The following NAA15 variants were observed in gnomAD, a reference collection of about 807,000 sequenced individuals.
NAA15 encodes the protein N-alpha-acetyltransferase 15, NatA auxiliary subunit.
A neutral mutation model predicts 114.0 loss-of-function variants in NAA15; 34 were observed. The observed-to-expected ratio is 0.30, with a 90% CI of 0.23 to 0.40. The LOEUF (loss-of-function observed/expected upper bound fraction) is 0.40. NAA15 is among the 10% of genes least tolerant of loss of function. The probability of loss-of-function intolerance (pLI) is 1.00; values close to 1 mark genes in which losing one functional copy is unlikely to be tolerated. For synonymous variants in NAA15, 340 were observed against 338.0 expected (o/e 1.01, Z -0.06); for missense variants, 658 against 1,004.5 (o/e 0.66, Z 4.66).
intron 17 of NAA15, among the ~76,000 whole-genome samples, chr4:139,383,989 C>G (rs1748823106): frequency 6.6e-6 from 1 of 152,122 alleles, no homozygotes; most frequent in South Asian, 2.1e-4. Flanking sequence ...TACTATTTAC[C>G]AGGTGGGTAT....
intron 10 of NAA15, among the ~76,000 whole-genome samples, chr4:139,355,432 A>G (rs897019483): frequency 6.6e-6 from 1 of 151,472 alleles, no homozygotes; most frequent in African/African-American, 2.4e-5. Context: ...TTCCCAGTCT[A>G]GAGTTTGCTG....
chr4:139,319,610 T>G (rs549122906), intron 1 of NAA15, among the ~76,000 whole-genome samples: 1 of 151,970 alleles, frequency 6.6e-6, no homozygotes, highest in South Asian at 2.1e-4. Flanking sequence ...GAATTGTGTA[T>G]TTTTAGTAGA....
At chr4:139,386,008 C>T in intron 18 of NAA15, 125 bp from the exon 19 acceptor site, 1 of 523,782 alleles carries the variant, frequency 1.9e-6, no homozygotes, top group Non-Finnish European at 3.4e-6. Context: ...GTAGCTGTTC[C>T]CATTCTTCTA....
rs147391027 is a variant in NAA15, at chr4:139,304,122, G to A, written c.54+2291G>A. ...TTTAGTAGAGACGGGGTTTCACCATGTTAGCCAGGATGGTCTCAATCTCCT... is the reference window on the plus strand; with the variant it reads ...TTTAGTAGAGACGGGGTTTCACCATATTAGCCAGGATGGTCTCAATCTCCT... On this transcript the variant is annotated intron_variant, in intron 1 of 19. Coordinates refer to ENST00000296543, the MANE Select transcript of NAA15 (RefSeq NM_057175.5). Among the ~76,000 whole-genome samples the A allele has an allele frequency of 8.5e-3, 1,294 of 152,346 alleles. 19 individuals are homozygous for A. Among genetic ancestry groups the A allele is most frequent in the African/African-American group, 0.03 (1,239 of 41,582 alleles).
In NAA15 at chr4:139,351,193, A is replaced by G. The variant is rs758429913; in HGVS notation, c.814A>G (p.Asn272Asp). 3 of 1,564,076 alleles carry G rather than the reference A, an allele frequency of 1.9e-6. No homozygotes were observed. The highest frequency in any genetic ancestry group is 2.6e-6 in the Non-Finnish European group (3 of 1,149,510). The change falls in exon 8 of 20, where the codon AAT (asparagine) becomes GAT (aspartate). Residue 272 changes from asparagine (N) to aspartate (D), a missense_variant and splice_region_variant. Physicochemically the swap from Asn to Asp is conservative, Grantham distance 23. Transcript: ENST00000296543. ...AAAGAATTTTTCTTTGTTTGCAGCT[A>G]ATATGTTAGAACGGCTAAAAATTTA... Reference protein sequence around the residue: ...KGLEKALKPANMLERLKIYEE... With the variant: ...KGLEKALKPADMLERLKIYEE...
rs760491747 is a variant in NAA15, at chr4:139,356,677, C to T, written c.1088-709C>T. ...CAATCTGTTGCTTTCTTTGAAAGCACGTATCAGTTCTCAGATTTTAGAAAT... is the reference window on the plus strand; with the variant it reads ...CAATCTGTTGCTTTCTTTGAAAGCATGTATCAGTTCTCAGATTTTAGAAAT... On this transcript the variant is annotated intron_variant, in intron 10 of 19. Coordinates refer to ENST00000296543, the MANE Select transcript of NAA15 (RefSeq NM_057175.5). 1.1e-4 allele frequency: 17 copies of T among 152,068 alleles called. No individual in the cohort carries two copies. In the South Asian group the frequency reaches 1.2e-3, roughly 11 times the overall value. The allele number at this position is 152,068 out of a possible 1,614,324, so 9.4% of individuals were successfully genotyped here. A position where few individuals can be genotyped will look rare whatever the true frequency, so the allele number is the denominator to read the frequency against.
intron 1 of NAA15, among the ~76,000 whole-genome samples, chr4:139,330,461 A>C (rs545557111): frequency 6.6e-6 from 1 of 152,306 alleles, no homozygotes; most frequent in South Asian, 2.1e-4. Flanking sequence ...TGCATAGTTG[A>C]TTGTGGGAGA....
At position 139,344,896 on chromosome 4, in the gene NAA15, G is replaced by T. The variant is rs181801127; in HGVS notation, c.691+557G>T. On this transcript the variant is annotated intron_variant, in intron 6 of 19. Transcript: ENST00000296543. The stretch of plus-strand genomic sequence containing the variant: ...CATAATATGTAGATTGTGATAGGAG[G>T]GGTAGATCCCACTCAGCAGAGGGCT... Among the ~76,000 whole-genome samples the T allele has an allele frequency of 2.0e-5, 3 of 152,214 alleles. No individual in the cohort carries two copies. The East Asian group carries it at 5.8e-4, about 29-fold the overall frequency.
rs1749015669 is a variant in NAA15 at position 139,390,099 on chromosome 4, ACT to A, written c.*2018_*2019del. ...GGGTGTATGTGTGAATTTTGTTTAA[ACT>A]CTACTGTATATTGAAATGAAATTCA... On this transcript the variant is annotated 3_prime_UTR_variant, in exon 20 of 20. Coordinates refer to ENST00000296543, the MANE Select transcript of NAA15 (RefSeq NM_057175.5). 6.6e-6 allele frequency: 1 copy of A among 152,572 alleles called. No individual in the cohort carries two copies. The highest frequency in any genetic ancestry group is 2.4e-5 in the African/African-American group (1 of 41,434). 9.5% of individuals were successfully genotyped at this position (152,572 alleles called of 1,614,324 possible). A position where few individuals can be genotyped will look rare whatever the true frequency, so the allele number is the denominator to read the frequency against.
chr4:139,343,029 GGCTT>G, intron 5 of NAA15, 69 bp downstream of exon 5: 1 of 1,386,970 alleles, frequency 7.2e-7, no homozygotes, highest in Non-Finnish European at 9.9e-7. Flanking sequence ...TGCATAGTCT[GGCTT>G]ACTTTTAATT....
At chr4:139,372,419 A>G (rs1748467356) in intron 15 of NAA15, among the ~76,000 whole-genome samples, 1 of 152,174 alleles carries the variant, frequency 6.6e-6, no homozygotes, top group Non-Finnish European at 1.5e-5. Context: ...TCTGAGAACA[A>G]AGTAATGGCT....
intron 1 of NAA15, among the ~76,000 whole-genome samples, chr4:139,328,686 G>A (rs1300457002): frequency 1.5e-4 from 22 of 150,798 alleles, no homozygotes; most frequent in African/African-American, 5.1e-4. Flanking sequence ...TCCTGCCTCA[G>A]CCTCCCGAGT....
At position 139,354,085 on chromosome 4, in the gene NAA15, A is replaced by G. The variant is rs1433511564; in HGVS notation, c.1074A>G (p.Leu358=). The G allele has an allele frequency of 1.2e-6, 2 of 1,613,318 alleles. No homozygotes were observed. Among genetic ancestry groups the G allele is most frequent in the South Asian group, 2.2e-5 (2 of 91,012 alleles). The change falls in exon 10 of 20, where the codon TTA becomes TTG. Residue 358 remains leucine, a synonymous_variant. Transcript: ENST00000296543. ...AAACCTCTCTAAAAAGCTGCCGGTT[A>G]TTTAACCCCAATGGTAAGTCCTCAA... ...GYETSLKSCR[L]FNPNDDGKEE... is the part of the protein sequence containing the mutation.
In NAA15 at chr4:139,351,226, G is replaced by A. The variant is rs777529256; in HGVS notation, c.847G>A (p.Ala283Thr). 6 of 1,607,502 alleles carry A rather than the reference G, an allele frequency of 3.7e-6. No homozygotes were observed. Among genetic ancestry groups the A allele is most frequent in the Non-Finnish European group, 5.1e-6 (6 of 1,176,544 alleles). ...AGAACGGCTAAAAATTTATGAGGAA[G>A]CCTGGACTAAATATCCCAGGGGACT... ...MLERLKIYEE[A>T]WTKYPRGLVP... The change falls in exon 8 of 20, where the codon GCC becomes ACC. Residue 283 changes from alanine (A) to threonine (T), a missense_variant. Physicochemically the swap from Ala to Thr is moderately conservative, Grantham distance 58 (BLOSUM62 0). Transcript: ENST00000296543.
intron 1 of NAA15, among the ~76,000 whole-genome samples, chr4:139,314,389 C>A (rs1046637978): frequency 2.0e-5 from 3 of 151,960 alleles, no homozygotes; most frequent in African/African-American, 7.2e-5. Flanking sequence ...TAGAAGCAAA[C>A]ATGAAATTTA....
At chr4:139,359,715 G>T in intron 11 of NAA15, 28 bp from the exon 12 acceptor site, 1 of 1,577,300 alleles carries the variant, frequency 6.3e-7, no homozygotes, top group Non-Finnish European at 8.5e-7. Context: ...CATGCTAACT[G>T]GTTTATTTTG....
At chr4:139,343,106 T>C in intron 5 of NAA15, 146 bp downstream of exon 5, 1 of 611,320 alleles carries the variant, frequency 1.6e-6, no homozygotes, top group South Asian at 2.5e-5. Flanking sequence ...TACATAGGGG[T>C]TCATTCATAC....
intron 15 of NAA15, among the ~76,000 whole-genome samples, chr4:139,371,308 T>C (rs923949358): frequency 6.6e-6 from 1 of 151,818 alleles, no homozygotes; most frequent in Non-Finnish European, 1.5e-5. Flanking sequence ...GTGATATTGC[T>C]ATGAGAAATA....
At chr4:139,367,556 A>G (rs1748317173) in intron 14 of NAA15, among the ~76,000 whole-genome samples, 1 of 152,174 alleles carries the variant, frequency 6.6e-6, no homozygotes. Context: ...GGAGGGGAGA[A>G]CACCCTTAAG....
Sources: gnomAD v4.1 joint callset for allele counts (sites outside exome capture counted in the v4.1 genomes callset) on GRCh38, gnomAD v4.1.1 for gene constraint, MANE v1.5 for transcripts, NCBI Gene and HGNC (gene_info 2026-07-23, HGNC 2026-07-21) for gene names.